ARK2N: variants seen among roughly 807,000 people sequenced by gnomAD.
The protein encoded by ARK2N is arkadia (RNF111) N-terminal like PKA signaling regulator 2N.
At chr18:46,262,449 T>G in the ARK2N span, among the ~76,000 whole-genome samples, 1 of 152,228 alleles carries the variant, frequency 6.6e-6, no homozygotes, top group Non-Finnish European at 1.5e-5. Flanking sequence ...AGAAATTTAA[T>G]CTGTGAAAGG....
the ARK2N span, among the ~76,000 whole-genome samples, chr18:46,196,376 C>G: frequency 6.6e-6 from 1 of 152,048 alleles, no homozygotes; most frequent in Non-Finnish European, 1.5e-5. Flanking sequence ...ATTCTCCTGC[C>G]TCAGCCTCCC....
chr18:46,255,674 C>T, the ARK2N span, among the ~76,000 whole-genome samples: 4 of 151,788 alleles, frequency 2.6e-5, no homozygotes, highest in African/African-American at 7.3e-5. Flanking sequence ...TGGTCTTGAA[C>T]TCCTGACCTC....
the ARK2N span, chr18:46,228,758 A>G: frequency 7.5e-6 from 3 of 398,316 alleles, no homozygotes; most frequent in African/African-American, 2.1e-5. Flanking sequence ...TTTTGTAGGG[A>G]CGGGGTTCTG....
chr18:46,242,993 G>T, the ARK2N span, among the ~76,000 whole-genome samples: 1 of 152,130 alleles, frequency 6.6e-6, no homozygotes, highest in South Asian at 2.1e-4. Flanking sequence ...TATAAATTTT[G>T]TGTAGGTTTC....
the ARK2N span, chr18:46,240,089 C>T: frequency 3.1e-6 from 5 of 1,614,060 alleles, no homozygotes; most frequent in African/African-American, 6.7e-5. Context: ...TTATTGGCGG[C>T]TGCAGTAGTT....
At chr18:46,219,985 A>G in the ARK2N span, among the ~76,000 whole-genome samples, 2 of 152,190 alleles carry the variant, frequency 1.3e-5, no homozygotes, top group African/African-American at 4.8e-5. Flanking sequence ...TTTTGAACAT[A>G]CTAACATACG....
the ARK2N span, among the ~76,000 whole-genome samples, chr18:46,252,488 A>C: frequency 3.3e-4 from 50 of 152,116 alleles, no homozygotes; most frequent in Middle Eastern, 3.4e-3. Context: ...GTTGGCCAGG[A>C]TGGTCTTGAT....
the ARK2N span, among the ~76,000 whole-genome samples, chr18:46,202,595 C>T: frequency 2.6e-4 from 39 of 152,088 alleles, no homozygotes; most frequent in African/African-American, 9.2e-4. Context: ...TGAGACCAGC[C>T]TGACCAACGT....
the ARK2N span, among the ~76,000 whole-genome samples, chr18:46,210,101 A>G: frequency 6.6e-6 from 1 of 152,214 alleles, no homozygotes; most frequent in African/African-American, 2.4e-5. Context: ...ACCTTGTAGA[A>G]ATATTGTTCT....
At chr18:46,225,730 G>T in the ARK2N span, among the ~76,000 whole-genome samples, 1 of 152,026 alleles carries the variant, frequency 6.6e-6, no homozygotes, top group Non-Finnish European at 1.5e-5. Flanking sequence ...AAAGTGCTGG[G>T]ATTACAGGCT....
At chr18:46,203,199 T>A in the ARK2N span, among the ~76,000 whole-genome samples, 1 of 152,224 alleles carries the variant, frequency 6.6e-6, no homozygotes, top group Non-Finnish European at 1.5e-5. Flanking sequence ...AAACTTTTCA[T>A]GAATGCGTTG....
chr18:46,179,625 CTTTTT>C, the ARK2N span, among the ~76,000 whole-genome samples: 2 of 136,844 alleles, frequency 1.5e-5, no homozygotes, highest in African/African-American at 2.7e-5. Flanking sequence ...TTAAAGTTAT[CTTTTT>C]TTTTTTTTTT....
the ARK2N span, among the ~76,000 whole-genome samples, chr18:46,244,622 T>TTTTTTTTA: frequency 3.4e-5 from 5 of 149,160 alleles, no homozygotes; most frequent in African/African-American, 5.0e-5. Context: ...TTTTTTTTTT[T>TTTTTTTTA]AAGAGGGAGT....
At chr18:46,200,077 TGTGTGTGTGTGTGTGCGC>T in the ARK2N span, among the ~76,000 whole-genome samples, 1 of 150,828 alleles carries the variant, frequency 6.6e-6, no homozygotes, top group Non-Finnish European at 1.5e-5. Context: ...TGTGTGTGTG[TGTGTGTGTGTGTGTGCGC>T]GCGCGTGCTG....
At chr18:46,255,158 T>A in the ARK2N span, among the ~76,000 whole-genome samples, 3 of 152,328 alleles carry the variant, frequency 2.0e-5, no homozygotes, top group South Asian at 6.2e-4. Flanking sequence ...TACAGATACA[T>A]GTACGTTAAG....
chr18:46,240,131 A>G, the ARK2N span: 2 of 1,614,220 alleles, frequency 1.2e-6, no homozygotes, highest in Non-Finnish European at 1.7e-6. Flanking sequence ...GGCGGCCAGG[A>G]CACAGGAGCT....
chr18:46,174,670 T>C, the ARK2N span, among the ~76,000 whole-genome samples: 1 of 151,956 alleles, frequency 6.6e-6, no homozygotes, highest in Non-Finnish European at 1.5e-5. Flanking sequence ...CCGGGGGTGC[T>C]GAGGGGAGGC....
the ARK2N span, among the ~76,000 whole-genome samples, chr18:46,181,648 G>A: frequency 2.6e-5 from 4 of 152,044 alleles, no homozygotes; most frequent in Non-Finnish European, 5.9e-5. Context: ...CCAGGAGGAG[G>A]AGCTTGCAGT....
At chr18:46,184,033 C>G in the ARK2N span, among the ~76,000 whole-genome samples, 1 of 151,718 alleles carries the variant, frequency 6.6e-6, no homozygotes, top group Non-Finnish European at 1.5e-5. Flanking sequence ...CAGTGTCACC[C>G]GGGCTGGTGT....
Sources: gnomAD v4.1 joint callset for allele counts (sites outside exome capture counted in the v4.1 genomes callset) on GRCh38, gnomAD v4.1.1 for gene constraint, MANE v1.5 for transcripts, NCBI Gene and HGNC (gene_info 2026-07-23, HGNC 2026-07-21) for gene names.